The following HYDIN variants were observed in gnomAD, a reference collection of about 807,000 sequenced individuals.
HYDIN encodes the protein axonemal central pair apparatus protein HYDIN.
A neutral mutation model predicts 403.9 loss-of-function variants in HYDIN; 132 were observed. The observed-to-expected ratio is 0.33, with a 90% CI of 0.28 to 0.38. The LOEUF (loss-of-function observed/expected upper bound fraction) is 0.38, where lower values mean the gene tolerates loss of function less well. HYDIN is among the 10% of genes least tolerant of loss of function. The pLI, the probability that HYDIN is intolerant of heterozygous loss-of-function variation, is 1.00. For missense variants in HYDIN, 2,827 were observed against 5,009.5 expected (o/e 0.56, Z 13.15); for synonymous variants, 1,202 against 1,891.7 (o/e 0.64, Z 9.46).
intron 18 of HYDIN, among the ~76,000 whole-genome samples, chr16:71,046,543 G>A (rs1252575823): frequency 1.3e-5 from 2 of 151,902 alleles, no homozygotes; most frequent in Non-Finnish European, 2.9e-5. Flanking sequence ...CAATTTCATT[G>A]CAACTGACAT....
Position 71,230,673 on chromosome 16 carries a change from G to A in HYDIN, c.-135C>T, listed in dbSNP as rs756929967. ...GGGGCTCCATACCCAGCTTGAAGCC[G>A]CCCGCACTCTCCATGCGCCGCCCGA... On this transcript the variant is annotated 5_prime_UTR_variant, in exon 1 of 86. Coordinates refer to ENST00000393567, the MANE Select transcript of HYDIN (RefSeq NM_001270974.2). 1.3e-6 allele frequency: 2 copies of A among 1,535,990 alleles called. No individual in the cohort carries two copies. Among genetic ancestry groups the A allele is most frequent in the Non-Finnish European group, 1.7e-6 (2 of 1,146,836 alleles).
chr16:71,157,777 G>A (rs1490793935), intron 6 of HYDIN, among the ~76,000 whole-genome samples: 1 of 139,234 alleles, frequency 7.2e-6, no homozygotes, highest in Non-Finnish European at 1.5e-5. Context: ...TGGGAGAGGT[G>A]AGAACTCCAA....
At position 70,992,054 on chromosome 16, in the gene HYDIN, T is replaced by C. The variant is rs776995997; in HGVS notation, c.3785+16A>G. ...GAAAAGCTACTACAAATAATCTATGTTGGCTTTGCACTTACTTAACAAAAT... is the reference window on the plus strand; with the variant it reads ...GAAAAGCTACTACAAATAATCTATGCTGGCTTTGCACTTACTTAACAAAAT... On this transcript the variant is annotated intron_variant, in intron 24 of 85. Coordinates refer to ENST00000393567, the MANE Select transcript of HYDIN (RefSeq NM_001270974.2). 1.3e-5 allele frequency: 21 copies of C among 1,613,640 alleles called. No individual in the cohort carries two copies. In the African/African-American group the frequency reaches 2.4e-4, roughly 18 times the overall value.
intron 52 of HYDIN, among the ~76,000 whole-genome samples, chr16:70,901,557 C>G (rs1271749365): frequency 1.3e-5 from 2 of 149,394 alleles, no homozygotes; most frequent in Non-Finnish European, 3.0e-5. Context: ...AGGATAATGG[C>G]CATAATACTT....
At chr16:71,045,547 T>A (rs2081425276) in intron 18 of HYDIN, among the ~76,000 whole-genome samples, 1 of 150,284 alleles carries the variant, frequency 6.7e-6, no homozygotes, top group South Asian at 2.1e-4. Flanking sequence ...TAGCTTAGCA[T>A]CCTTGAACAA....
intron 9 of HYDIN, among the ~76,000 whole-genome samples, chr16:71,127,670 C>T (rs1346194948): frequency 1.3e-5 from 2 of 152,000 alleles, no homozygotes; most frequent in Non-Finnish European, 2.9e-5. Flanking sequence ...GGTCCCAGGG[C>T]TGCCCAGGGG....
intron 23 of HYDIN, 57 bp from the exon 24 acceptor site, chr16:70,992,267 T>C (rs2079381560): frequency 9.9e-6 from 15 of 1,510,310 alleles, no homozygotes; most frequent in South Asian, 1.4e-5. Flanking sequence ...TTTTTGCAAA[T>C]CAGTGTTCAG....
chr16:71,028,551 TTTTG>T (rs1237176447), intron 19 of HYDIN, among the ~76,000 whole-genome samples: 1 of 152,136 alleles, frequency 6.6e-6, no homozygotes, highest in Non-Finnish European at 1.5e-5. Flanking sequence ...TCAAATGTGT[TTTTG>T]TTTGTTTGGG....
At chr16:71,207,427 G>A (rs972672000) in intron 1 of HYDIN, among the ~76,000 whole-genome samples, 3 of 152,160 alleles carry the variant, frequency 2.0e-5, no homozygotes, top group Non-Finnish European at 4.4e-5. Flanking sequence ...CCTGAAAGAA[G>A]CAGTCAATAT....
At chr16:71,128,252 G>A (rs2084553502) in intron 9 of HYDIN, among the ~76,000 whole-genome samples, 1 of 151,978 alleles carries the variant, frequency 6.6e-6, no homozygotes, top group South Asian at 2.1e-4. Context: ...TGTCTCCAAG[G>A]GAAAAGCTCC....
At position 70,874,805 on chromosome 16, in the gene HYDIN, C is replaced by T. The variant is rs761643260; in HGVS notation, c.10660+12G>A. ...ATCCATTGCCCTCTAGAAGCACCCT[C>T]CCCACACTTACCTTTTACATGTGGT... On this transcript the variant is annotated intron_variant, in intron 63 of 85. Transcript: ENST00000393567. The T allele has an allele frequency of 1.9e-6, 3 of 1,611,368 alleles. No individual in the cohort carries two copies. Among genetic ancestry groups the T allele is most frequent in the Non-Finnish European group, 2.5e-6 (3 of 1,178,872 alleles).
chr16:70,921,414 T>G (rs2076992125), intron 45 of HYDIN, among the ~76,000 whole-genome samples, 197 bp from the exon 46 acceptor site: 1 of 152,198 alleles, frequency 6.6e-6, no homozygotes, highest in African/African-American at 2.4e-5. Context: ...CCATGGTCCT[T>G]CTCTGTTTGA....
chr16:71,133,729 AG>A (rs2084804213), intron 8 of HYDIN, among the ~76,000 whole-genome samples: 1 of 152,114 alleles, frequency 6.6e-6, no homozygotes, highest in South Asian at 2.1e-4. Flanking sequence ...GATAAGAATG[AG>A]TATGAAAGAA....
chr16:70,926,982 G>A (rs1039151973), intron 45 of HYDIN, among the ~76,000 whole-genome samples: 51 of 152,066 alleles, frequency 3.4e-4, no homozygotes, highest in African/African-American at 1.0e-3. Flanking sequence ...AAAGCACAAC[G>A]GACATATATT....
chr16:70,854,505 C>T (rs749577719), intron 73 of HYDIN, among the ~76,000 whole-genome samples: 3 of 152,126 alleles, frequency 2.0e-5, no homozygotes, highest in Non-Finnish European at 4.4e-5. Flanking sequence ...ACCTATGCCT[C>T]CCGGGTTCAA....
intron 18 of HYDIN, among the ~76,000 whole-genome samples, chr16:71,054,693 C>T (rs1013125767): frequency 6.6e-6 from 1 of 151,086 alleles, no homozygotes; most frequent in Non-Finnish European, 1.5e-5. Flanking sequence ...CTGACAATCT[C>T]CCTTGATGTT....
In HYDIN at chr16:71,062,344, G is replaced by C. The variant is rs1445670562; in HGVS notation, c.2212-11C>G. 2 of 1,597,870 alleles carry C rather than the reference G, an allele frequency of 1.3e-6. No individual in the cohort carries two copies. Among genetic ancestry groups the C allele is most frequent in the Non-Finnish European group, 1.7e-6 (2 of 1,171,174 alleles). On this transcript the variant is annotated splice_polypyrimidine_tract_variant and intron_variant, in intron 16 of 85. Coordinates refer to ENST00000393567, the MANE Select transcript of HYDIN (RefSeq NM_001270974.2). The stretch of plus-strand genomic sequence containing the variant: ...CACCTCCTCACACACCTGGGGGAGA[G>C]AAAACCAGAGGGGTAAGGACAGCAC...
intron 1 of HYDIN, among the ~76,000 whole-genome samples, chr16:71,216,159 T>A (rs970146430): frequency 6.6e-6 from 1 of 152,232 alleles, no homozygotes; most frequent in Non-Finnish European, 1.5e-5. Flanking sequence ...TACAGAGATA[T>A]GAGTAAGACT....
chr16:71,215,937 G>A (rs2088855793), intron 1 of HYDIN, among the ~76,000 whole-genome samples: 1 of 152,158 alleles, frequency 6.6e-6, no homozygotes, highest in African/African-American at 2.4e-5. Context: ...CCCTACACAT[G>A]TACTAGATAG....
Sources: gnomAD v4.1 joint callset for allele counts (sites outside exome capture counted in the v4.1 genomes callset) on GRCh38, gnomAD v4.1.1 for gene constraint, MANE v1.5 for transcripts, NCBI Gene and HGNC (gene_info 2026-07-23, HGNC 2026-07-21) for gene names.